NAT9: variants seen among roughly 807,000 people sequenced by gnomAD.
NAT9 encodes the protein N-acetyltransferase 9.
A neutral mutation model predicts 24.0 loss-of-function variants in NAT9; 18 were observed. The observed-to-expected ratio is 0.75, with a 90% CI of 0.52 to 1.11. NAT9 has a LOEUF of 1.11. Among genes scored for constraint, NAT9 ranks in the 50% most tolerant of loss-of-function variants. NAT9 has a pLI of 0.00. For synonymous variants in NAT9, 104 were observed against 102.3 expected (o/e 1.02, Z -0.10); for missense variants, 254 against 258.6 (o/e 0.98, Z 0.12).
At chr17:74,774,306 G>A (rs552485458) in intron 2 of NAT9, among the ~76,000 whole-genome samples, 3 of 152,104 alleles carry the variant, frequency 2.0e-5, no homozygotes, top group African/African-American at 4.8e-5. Context: ...TCCACGTTTA[G>A]TTTACATAAA....
At chr17:74,775,945 T>C (rs1288277411) in intron 1 of NAT9, 4 of 446,372 alleles carry the variant, frequency 9.0e-6, no homozygotes, top group Non-Finnish European at 8.0e-6. Flanking sequence ...TTTCTGCCGG[T>C]TCCTTCCGTC....
At chr17:74,773,326 C>T (rs898789665) in intron 3 of NAT9, 2 of 589,576 alleles carry the variant, frequency 3.4e-6, no homozygotes, top group African/African-American at 3.7e-5. Flanking sequence ...CCTCAATTTA[C>T]AGCCAGAGCC....
At chr17:74,773,547 G>A in intron 3 of NAT9, 29 bp downstream of exon 3, 1 of 1,584,396 alleles carries the variant, frequency 6.3e-7, no homozygotes. Flanking sequence ...CAGTACCAGG[G>A]CTAGGGGAAG....
chr17:74,771,686 C>T lies in NAT9; in HGVS notation c.*38G>A, dbSNP rs1295311105. The stretch of plus-strand genomic sequence containing the variant: ...TCTTTGAAGTGTATGGGCCCAACAC[C>T]CTGCTCACACAGAGTGGCTGCCCAC... On this transcript the variant is annotated 3_prime_UTR_variant, in exon 7 of 7. Coordinates refer to ENST00000357814, the MANE Select transcript of NAT9 (RefSeq NM_015654.5). The T allele has an allele frequency of 1.2e-6, 2 of 1,611,926 alleles. No homozygotes were observed. The highest frequency in any genetic ancestry group is 1.7e-6 in the Non-Finnish European group (2 of 1,179,730).
chr17:74,772,203 C>T lies in NAT9; in HGVS notation c.394+15G>A, dbSNP rs750933960. ...GCCTGCCCACTTCCCGCATTGTCTG[C>T]TCACACTTTCTTACCGTAAGACAGC... On this transcript the variant is annotated intron_variant, in intron 5 of 6. Coordinates refer to ENST00000357814, the MANE Select transcript of NAT9 (RefSeq NM_015654.5). 1.9e-6 allele frequency: 3 copies of T among 1,614,236 alleles called. No homozygotes were observed. The highest frequency in any genetic ancestry group is 2.2e-5 in the South Asian group (2 of 91,088).
At chr17:74,774,849 C>CG (rs1567847349) in intron 2 of NAT9, among the ~76,000 whole-genome samples, 1 of 145,872 alleles carries the variant, frequency 6.9e-6, no homozygotes, top group Non-Finnish European at 1.5e-5. Context: ...TGCGCCCAGC[C>CG]TTTATTTTAT....
intron 1 of NAT9, 159 bp from the exon 2 acceptor site, chr17:74,775,866 G>C: frequency 1.8e-6 from 1 of 557,172 alleles, no homozygotes; most frequent in Admixed American, 3.1e-5. Context: ...GCAAGAAAGA[G>C]AACCAGGCTG....
At position 74,771,093 on chromosome 17, in the gene NAT9, A is replaced by C. The variant is rs1164271366; in HGVS notation, c.*631T>G. The C allele has an allele frequency of 6.4e-6, 1 of 156,808 alleles. No homozygotes were observed. The highest frequency in any genetic ancestry group is 1.9e-4 in the East Asian group (1 of 5,338). 9.7% of individuals were successfully genotyped at this position (156,808 alleles called of 1,614,324 possible). A position where few individuals can be genotyped will look rare whatever the true frequency, so the allele number is the denominator to read the frequency against. ...CCAGCCACAAGGAGCTGTATCTAACACTAATGCCTTTAAACTCAAGACTGG... is the reference window on the plus strand; with the variant it reads ...CCAGCCACAAGGAGCTGTATCTAACCCTAATGCCTTTAAACTCAAGACTGG... On this transcript the variant is annotated 3_prime_UTR_variant, in exon 7 of 7. Transcript: ENST00000357814.
chr17:74,774,290 T>C (rs2035647658), intron 2 of NAT9, among the ~76,000 whole-genome samples: 1 of 152,190 alleles, frequency 6.6e-6, no homozygotes, highest in Admixed American at 6.5e-5. Flanking sequence ...GACAATTTCT[T>C]TTTCTTCCAC....
intron 2 of NAT9, 173 bp from the exon 3 acceptor site, chr17:74,773,861 CT>C: frequency 1.7e-6 from 1 of 586,486 alleles, no homozygotes. Flanking sequence ...GCAAGCTAGT[CT>C]TACACAAGAA....
intron 2 of NAT9, 180 bp downstream of exon 2, chr17:74,775,442 G>C: frequency 2.0e-6 from 1 of 501,168 alleles, no homozygotes; most frequent in Admixed American, 3.5e-5. Flanking sequence ...TCCTGCCACA[G>C]CCTCCCAAAG....
At chr17:74,772,719 G>A in intron 4 of NAT9, 177 bp downstream of exon 4, 3 of 1,148,598 alleles carry the variant, frequency 2.6e-6, no homozygotes, top group Non-Finnish European at 3.6e-6. Context: ...ATGAGGCTGA[G>A]GGTGTACCAC....
rs200521686 is a variant in NAT9 at position 74,772,917 on chromosome 17, C to G, written c.313G>C (p.Glu105Gln). The stretch of plus-strand genomic sequence containing the variant: ...AAACCTGCAATCATGACCTCGATCT[C>G]CCCCAAGGTGAGGTCTTCTAGATCT... Reference protein sequence around the residue: ...LTDLEDLTLGEIEVMIAEPSC... With the variant: ...LTDLEDLTLGQIEVMIAEPSC... Residue 105 changes from glutamate (E) to glutamine (Q), a missense_variant, in exon 4 of 7, where the codon GAG becomes CAG. Physicochemically the swap from Glu to Gln is conservative, Grantham distance 29. Transcript: ENST00000357814. 1 of 1,614,136 alleles carries G rather than the reference C, an allele frequency of 6.2e-7. No individual in the cohort carries two copies. Among genetic ancestry groups the G allele is most frequent in the Non-Finnish European group, 8.5e-7 (1 of 1,180,020 alleles).
At chr17:74,773,167 C>T in intron 3 of NAT9, 128 bp from the exon 4 acceptor site, 6 of 1,180,386 alleles carry the variant, frequency 5.1e-6, no homozygotes, top group Non-Finnish European at 7.0e-6. Context: ...AGAGGGGGTC[C>T]CAGAGCTTCC....
intron 1 of NAT9, 78 bp from the exon 2 acceptor site, chr17:74,775,785 G>T: frequency 8.4e-7 from 1 of 1,196,176 alleles, no homozygotes; most frequent in Non-Finnish European, 1.2e-6. Flanking sequence ...CAGCTTTCCT[G>T]CTGGGGCTAA....
rs752672066 is a variant in NAT9, at chr17:74,773,650, C to T, written c.116G>A (p.Arg39His). The change falls in exon 3 of 7, where the codon CGT (arginine) becomes CAT (histidine). Residue 39 changes from arginine (R) to histidine (H), a missense_variant. By Grantham distance (29) the Arg-to-His change is conservative. Coordinates refer to ENST00000357814, the MANE Select transcript of NAT9 (RefSeq NM_015654.5). ...HEWMKSEELQRLTASEPLTLE... is the reference protein window; with the variant it reads ...HEWMKSEELQHLTASEPLTLE... ...GGTCAGCGGCTCCGAGGCTGTCAAACGCTGCAGCTCCTCTGATTTCATCCA... is the reference window on the plus strand; with the variant it reads ...GGTCAGCGGCTCCGAGGCTGTCAAATGCTGCAGCTCCTCTGATTTCATCCA... The T allele has an allele frequency of 8.1e-6, 13 of 1,614,020 alleles. No homozygotes were observed. The highest frequency in any genetic ancestry group is 2.2e-5 in the East Asian group (1 of 44,894).
At position 74,771,688 on chromosome 17, in the gene NAT9, T is replaced by C. The variant is rs960946396; in HGVS notation, c.*36A>G. On this transcript the variant is annotated 3_prime_UTR_variant, in exon 7 of 7. Transcript: ENST00000357814. Reference sequence around the variant, plus strand: ...TTTGAAGTGTATGGGCCCAACACCCTGCTCACACAGAGTGGCTGCCCACAA... The same window carrying C: ...TTTGAAGTGTATGGGCCCAACACCCCGCTCACACAGAGTGGCTGCCCACAA... 29 of 1,612,056 alleles carry C rather than the reference T, an allele frequency of 1.8e-5. No individual in the cohort carries two copies. The highest frequency in any genetic ancestry group is 2.5e-5 in the Non-Finnish European group (29 of 1,179,818).
chr17:74,774,345 TGA>T (rs1438139184), intron 2 of NAT9, among the ~76,000 whole-genome samples: 1 of 151,788 alleles, frequency 6.6e-6, no homozygotes, highest in Non-Finnish European at 1.5e-5. Flanking sequence ...GCCAAAAAGC[TGA>T]GAGAATGAAA....
intron 3 of NAT9, 100 bp downstream of exon 3, chr17:74,773,476 T>G (rs576623892): frequency 9.4e-7 from 1 of 1,066,726 alleles, no homozygotes; most frequent in Admixed American, 1.9e-5. Context: ...TTCACAAAGC[T>G]TCTATGGCCG....
Sources: gnomAD v4.1 joint callset for allele counts (sites outside exome capture counted in the v4.1 genomes callset) on GRCh38, gnomAD v4.1.1 for gene constraint, MANE v1.5 for transcripts, NCBI Gene and HGNC (gene_info 2026-07-23, HGNC 2026-07-21) for gene names.